ZFPM2: variants seen among roughly 807,000 people sequenced by gnomAD.
ZFPM2 encodes the protein zinc finger protein, FOG family member 2.
A neutral mutation model predicts 98.6 loss-of-function variants in ZFPM2; 20 were observed. That is an observed-to-expected ratio of 0.20 (90% confidence interval 0.14 to 0.29). ZFPM2 has a LOEUF of 0.29. Ranked by LOEUF, ZFPM2 falls within the 10% of genes least tolerant of loss-of-function variation. The pLI is 1.00. For synonymous variants in ZFPM2, 518 were observed against 502.7 expected (o/e 1.03, Z -0.41); for missense variants, 1,310 against 1,388.6 (o/e 0.94, Z 0.90).
At chr8:105,616,230 A>G (rs1816411435) in intron 4 of ZFPM2, among the ~76,000 whole-genome samples, 1 of 152,178 alleles carries the variant, frequency 6.6e-6, no homozygotes, top group Non-Finnish European at 1.5e-5. Flanking sequence ...TGAAAACAAT[A>G]CATAAAAAAT....
chr8:105,402,064 A>G (rs1331574567), intron 1 of ZFPM2, among the ~76,000 whole-genome samples: 1 of 152,012 alleles, frequency 6.6e-6, no homozygotes, highest in African/African-American at 2.4e-5. Flanking sequence ...TCTCCACTCA[A>G]TATAGTATTG....
intron 5 of ZFPM2, among the ~76,000 whole-genome samples, chr8:105,781,958 T>C (rs77057417): frequency 2.6e-5 from 4 of 152,150 alleles, no homozygotes; most frequent in Admixed American, 6.5e-5. Context: ...CGCCATGGCT[T>C]GGGACACCTA....
At chr8:105,394,409 T>A (rs1280765146) in intron 1 of ZFPM2, among the ~76,000 whole-genome samples, 2 of 152,216 alleles carry the variant, frequency 1.3e-5, no homozygotes, top group Non-Finnish European at 2.9e-5. Flanking sequence ...AGGAATATAT[T>A]ACTCTTTAGC....
chr8:105,711,770 AG>A (rs1312075457), intron 5 of ZFPM2, among the ~76,000 whole-genome samples: 2 of 151,950 alleles, frequency 1.3e-5, no homozygotes, highest in Non-Finnish European at 2.9e-5. Flanking sequence ...GACCAGATGG[AG>A]TTTTAGGTCT....
intron 1 of ZFPM2, among the ~76,000 whole-genome samples, chr8:105,343,275 C>T (rs1812462188): frequency 6.6e-6 from 1 of 152,086 alleles, no homozygotes; most frequent in African/African-American, 2.4e-5. Flanking sequence ...AACCATTCTG[C>T]AATGTTCAAC....
At chr8:105,455,166 T>G (rs1812563181) in intron 3 of ZFPM2, among the ~76,000 whole-genome samples, 1 of 152,172 alleles carries the variant, frequency 6.6e-6, no homozygotes, top group Non-Finnish European at 1.5e-5. Context: ...TTCCAAAAAT[T>G]TTTTAAAAAT....
chr8:105,665,282 A>G (rs1443793240), intron 5 of ZFPM2, among the ~76,000 whole-genome samples: 1 of 152,150 alleles, frequency 6.6e-6, no homozygotes, highest in Non-Finnish European at 1.5e-5. Context: ...ACTTGAACAC[A>G]CTGTTGTATT....
At chr8:105,494,968 A>G (rs1174531697) in intron 3 of ZFPM2, among the ~76,000 whole-genome samples, 1 of 152,248 alleles carries the variant, frequency 6.6e-6, no homozygotes, top group Non-Finnish European at 1.5e-5. Context: ...AATTTTATAT[A>G]ATATTCACAT....
At chr8:105,702,790 T>C (rs565497756) in intron 5 of ZFPM2, among the ~76,000 whole-genome samples, 1 of 152,334 alleles carries the variant, frequency 6.6e-6, no homozygotes, top group East Asian at 1.9e-4. Flanking sequence ...TGTGCCTTGC[T>C]CTCAGTTTTG....
intron 3 of ZFPM2, among the ~76,000 whole-genome samples, chr8:105,539,195 C>A (rs1214237854): frequency 6.6e-6 from 1 of 152,090 alleles, no homozygotes; most frequent in African/African-American, 2.4e-5. Context: ...TATGAGCTCA[C>A]CATCAACATG....
intron 5 of ZFPM2, among the ~76,000 whole-genome samples, chr8:105,649,940 A>G (rs1817133298): frequency 6.6e-6 from 1 of 152,212 alleles, no homozygotes; most frequent in Admixed American, 6.5e-5. Context: ...TGATTGGAAT[A>G]GTTTCAGAAA....
chr8:105,497,488 A>T (rs1347357905), intron 3 of ZFPM2, among the ~76,000 whole-genome samples: 1 of 152,212 alleles, frequency 6.6e-6, no homozygotes, highest in African/African-American at 2.4e-5. Flanking sequence ...CCAAAGTTTA[A>T]ATAATAGGAA....
In ZFPM2 at chr8:105,471,068, T is replaced by C. The variant is rs192706506; in HGVS notation, c.301+26687T>C. On this transcript the variant is annotated intron_variant, in intron 3 of 7. Coordinates refer to ENST00000407775, the MANE Select transcript of ZFPM2 (RefSeq NM_012082.4). ...TTCTGCAGGTCTCATTAGAAATAGT[T>C]TCTGACTATTCCTTTAACTTTTCTC... is the stretch of plus-strand genomic sequence containing the variant. 2.3e-3 allele frequency among the ~76,000 whole-genome samples: 345 copies of C among 152,298 alleles called. 1 individual carries two copies. Among genetic ancestry groups the C allele is most frequent in the African/African-American group, 6.0e-3 (249 of 41,570 alleles).
chr8:105,389,205 G>A (rs999522837), intron 1 of ZFPM2, among the ~76,000 whole-genome samples: 1 of 152,086 alleles, frequency 6.6e-6, no homozygotes, highest in African/African-American at 2.4e-5. Flanking sequence ...ACTCAGACAT[G>A]TCTAGTAAAC....
At chr8:105,336,489 AT>A (rs1244307519) in intron 1 of ZFPM2, among the ~76,000 whole-genome samples, 1 of 151,810 alleles carries the variant, frequency 6.6e-6, no homozygotes, top group East Asian at 1.9e-4. Context: ...TAAATGAAGT[AT>A]TTTTTGGTAA....
intron 3 of ZFPM2, among the ~76,000 whole-genome samples, chr8:105,449,352 A>G (rs922938369): frequency 2.6e-5 from 4 of 152,070 alleles, no homozygotes; most frequent in Non-Finnish European, 4.4e-5. Context: ...ATACACAGGT[A>G]TAACATTTTG....
chr8:105,777,616 G>T (rs375912165), intron 5 of ZFPM2, among the ~76,000 whole-genome samples: 2 of 152,198 alleles, frequency 1.3e-5, no homozygotes, highest in African/African-American at 2.4e-5. Flanking sequence ...AATGAAAAAA[G>T]TTAAAGATCA....
chr8:105,682,629 C>T (rs773460728), intron 5 of ZFPM2, among the ~76,000 whole-genome samples: 19 of 151,954 alleles, frequency 1.3e-4, no homozygotes, highest in South Asian at 2.1e-4. Flanking sequence ...GACAGAAGAA[C>T]GGAAATAAGT....
intron 6 of ZFPM2, among the ~76,000 whole-genome samples, chr8:105,792,656 C>A (rs1212838524): frequency 6.6e-6 from 1 of 152,106 alleles, no homozygotes. Context: ...CTTTCTGTCT[C>A]GTTGATCTGT....
Sources: allele counts gnomAD v4.1 joint callset (sites outside exome capture counted in the v4.1 genomes callset), GRCh38; gene constraint gnomAD v4.1.1; transcripts MANE v1.5; gene names NCBI Gene and HGNC (gene_info 2026-07-23, HGNC 2026-07-21).